PDZRN3: variants seen among roughly 807,000 people sequenced by gnomAD.
PDZRN3 encodes the protein PDZ domain containing ring finger 3, also known as E3 ubiquitin-protein ligase PDZRN3.
In PDZRN3, 38 loss-of-function variants were observed where a neutral mutation model predicts 85.7. That is an observed-to-expected ratio of 0.44 (90% CI 0.34 to 0.58). PDZRN3 has a LOEUF of 0.58. PDZRN3 is among the 20% of genes least tolerant of loss of function. The pLI, the probability that PDZRN3 is intolerant of heterozygous loss-of-function variation, is 0.01. For synonymous variants in PDZRN3, 759 were observed against 638.0 expected, an observed-to-expected ratio of 1.19 and a Z score of -2.86; for missense variants, 1,629 against 1,506.4, an observed-to-expected ratio of 1.08 and a Z score of -1.35.
intron 3 of PDZRN3, among the ~76,000 whole-genome samples, chr3:73,574,511 G>T (rs375838542): frequency 5.3e-5 from 8 of 152,074 alleles, no homozygotes; most frequent in African/African-American, 1.9e-4. Flanking sequence ...CAGGTTGGAG[G>T]GCACTGGTGC....
chr3:73,598,705 C>T (rs1249055946), intron 3 of PDZRN3, among the ~76,000 whole-genome samples: 2 of 152,192 alleles, frequency 1.3e-5, no homozygotes, highest in Non-Finnish European at 2.9e-5. Flanking sequence ...CAGGCCAGCT[C>T]AGGCTTTCTT....
At chr3:73,577,610 C>A (rs1211437945) in intron 3 of PDZRN3, among the ~76,000 whole-genome samples, 2 of 152,142 alleles carry the variant, frequency 1.3e-5, no homozygotes, top group African/African-American at 2.4e-5. Flanking sequence ...AGGAGAAATG[C>A]GCCCTAGATT....
chr3:73,383,787 T>G lies in PDZRN3; in HGVS notation c.2779A>C (p.Ser927Arg). 6.2e-7 allele frequency: 1 copy of G among 1,613,534 alleles called. No homozygotes were observed. The highest frequency in any genetic ancestry group is 1.3e-5 in the African/African-American group (1 of 75,060). ...PRMEWKVKIR[S>R]DGTRYITKRP... ...TTGGTGATGTAGCGCGTCCCGTCGC[T>G]GCGGATCTTCACCTTCCACTCCATG... Residue 927 changes from serine (S) to arginine (R), a missense_variant, in exon 10 of 10, where the codon AGC becomes CGC. By Grantham distance (110) the Ser-to-Arg change is moderately radical. Coordinates refer to ENST00000263666, the MANE Select transcript of PDZRN3 (RefSeq NM_015009.3).
intron 1 of PDZRN3, among the ~76,000 whole-genome samples, chr3:73,610,171 C>T (rs1702661104): frequency 6.6e-6 from 1 of 152,150 alleles, no homozygotes; most frequent in Non-Finnish European, 1.5e-5. Flanking sequence ...GAAAAAGATA[C>T]TCTGTTTCTG....
rs1482346723 is a variant in PDZRN3 at position 73,383,846 on chromosome 3, T to C, written c.2720A>G (p.Lys907Arg). Residue 907 changes from lysine (K) to arginine (R), a missense_variant, in exon 10 of 10, where the codon AAG becomes AGG. By Grantham distance (26) the Lys-to-Arg change is conservative (BLOSUM62 2). Transcript: ENST00000263666. ...QSQMSLVSMC[K>R]DLSSPTPSEP... ...CGACGGGGTGGGAGAGCTCAGGTCC[T>C]TGCACATGCTCACCAGGCTCATCTG... 5 of 1,613,750 alleles carry C rather than the reference T, an allele frequency of 3.1e-6. No individual in the cohort carries two copies. In the African/African-American group the frequency reaches 6.7e-5, roughly 22 times the overall value.
intron 3 of PDZRN3, among the ~76,000 whole-genome samples, chr3:73,469,281 C>A (rs954523224): frequency 2.0e-4 from 30 of 152,124 alleles, no homozygotes; most frequent in African/African-American, 6.8e-4. Flanking sequence ...CCATGTTGGC[C>A]AGGCCGGTCT....
intron 3 of PDZRN3, among the ~76,000 whole-genome samples, chr3:73,410,537 C>A (rs897823360): frequency 1.3e-5 from 2 of 152,248 alleles, no homozygotes; most frequent in Middle Eastern, 3.4e-3. Context: ...ACCATCAGAT[C>A]CCCTCCTTAC....
At chr3:73,594,796 G>T (rs1239401553) in intron 3 of PDZRN3, among the ~76,000 whole-genome samples, 4 of 152,044 alleles carry the variant, frequency 2.6e-5, no homozygotes, top group Non-Finnish European at 5.9e-5. Context: ...ATAAGAGAGG[G>T]GAAAATATGA....
intron 3 of PDZRN3, among the ~76,000 whole-genome samples, chr3:73,589,118 G>C (rs1702318774): frequency 6.6e-6 from 1 of 150,970 alleles, no homozygotes; most frequent in Admixed American, 6.6e-5. Context: ...TGCAACCTCT[G>C]CTCACTGCAA....
At chr3:73,590,858 T>C (rs1702348170) in intron 3 of PDZRN3, among the ~76,000 whole-genome samples, 1 of 152,162 alleles carries the variant, frequency 6.6e-6, no homozygotes, top group East Asian at 1.9e-4. Context: ...TGCAACACAA[T>C]CATACTTAAT....
chr3:73,429,193 T>C (rs2106795511), intron 3 of PDZRN3, among the ~76,000 whole-genome samples: 1 of 152,300 alleles, frequency 6.6e-6, no homozygotes, highest in Non-Finnish European at 1.5e-5. Flanking sequence ...TTATAGGGCA[T>C]GAGCTTCCAT....
chr3:73,616,718 G>A (rs2106914959), intron 1 of PDZRN3, among the ~76,000 whole-genome samples: 1 of 152,264 alleles, frequency 6.6e-6, no homozygotes, highest in East Asian at 1.9e-4. Flanking sequence ...CAGGTGTCCA[G>A]CACTTAATAG....
chr3:73,413,128 T>TA (rs1304793724), intron 3 of PDZRN3, among the ~76,000 whole-genome samples: 1 of 152,200 alleles, frequency 6.6e-6, no homozygotes, highest in Non-Finnish European at 1.5e-5. Context: ...CTGTCACACT[T>TA]AGACAAATTT....
intron 5 of PDZRN3, among the ~76,000 whole-genome samples, chr3:73,397,001 C>T (rs1291590454): frequency 6.6e-6 from 1 of 151,568 alleles, no homozygotes; most frequent in East Asian, 1.9e-4. Flanking sequence ...AAAGGGAGAA[C>T]ATCTGTTTTT....
At chr3:73,464,973 T>A (rs905325200) in intron 3 of PDZRN3, among the ~76,000 whole-genome samples, 1 of 152,172 alleles carries the variant, frequency 6.6e-6, no homozygotes, top group East Asian at 1.9e-4. Flanking sequence ...TTCCTCTTAT[T>A]TAAGTGAAAA....
intron 7 of PDZRN3, among the ~76,000 whole-genome samples, chr3:73,388,497 A>G (rs1482402009): frequency 6.6e-6 from 1 of 152,210 alleles, no homozygotes; most frequent in African/African-American, 2.4e-5. Context: ...AGAATTATAC[A>G]TGGTGTTTTG....
rs375350487 is a variant in PDZRN3, at chr3:73,624,586, G to T, written c.240C>A (p.Ile80=). The T allele has an allele frequency of 1.9e-6, 3 of 1,553,140 alleles. No homozygotes were observed. Among genetic ancestry groups the T allele is most frequent in the Non-Finnish European group, 2.6e-6 (3 of 1,153,958 alleles). The change falls in exon 1 of 10, where the codon ATC becomes ATA. Residue 80 remains isoleucine, a synonymous_variant. Transcript: ENST00000263666. The part of the protein sequence containing the change: ...PLKRLILKLD[I]KCAYATRGCG... The stretch of plus-strand genomic sequence containing the variant: ...AGCCGCGCGTCGCGTACGCGCACTT[G>T]ATGTCCAGCTTGAGGATAAGGCGCT...
intron 3 of PDZRN3, among the ~76,000 whole-genome samples, chr3:73,577,976 C>T (rs888831699): frequency 3.3e-5 from 5 of 152,180 alleles, no homozygotes; most frequent in Admixed American, 6.5e-5. Flanking sequence ...TTGAAGCAAA[C>T]GCCACATGGC....
In PDZRN3 at chr3:73,480,875, C is replaced by T. The variant is rs540191459; in HGVS notation, c.919-76480G>A. ...ATTACTTTCTTAACATGTTCCATAACATTTTCTCTCCCAACAAAATAAGAG... is the reference window on the plus strand; with the variant it reads ...ATTACTTTCTTAACATGTTCCATAATATTTTCTCTCCCAACAAAATAAGAG... On this transcript the variant is annotated intron_variant, in intron 3 of 9. Transcript: ENST00000263666. Among the ~76,000 whole-genome samples, 11 of 152,342 alleles carry T rather than the reference C, an allele frequency of 7.2e-5. No homozygotes were observed. The South Asian group carries it at 2.3e-3, about 32-fold the overall frequency.
Sources: gnomAD v4.1 joint callset for allele counts (sites outside exome capture counted in the v4.1 genomes callset) on GRCh38, gnomAD v4.1.1 for gene constraint, MANE v1.5 for transcripts, NCBI Gene and HGNC (gene_info 2026-07-23, HGNC 2026-07-21) for gene names.